The following AGAP1 variants were observed in gnomAD, a reference collection of about 807,000 sequenced individuals.
AGAP1 encodes ArfGAP with GTPase domain, ankyrin repeat and PH domain 1, also known as arf-GAP with GTPase, ANK repeat and PH domain-containing protein 1.
A neutral mutation model predicts 105.3 loss-of-function variants in AGAP1; 29 were observed. The observed-to-expected ratio is 0.28, with a 90% CI of 0.21 to 0.38. The LOEUF (loss-of-function observed/expected upper bound fraction) is 0.38. Ranked by LOEUF, AGAP1 falls within the 10% of genes least tolerant of loss-of-function variation. The pLI, the probability that AGAP1 is intolerant of heterozygous loss-of-function variation, is 1.00. For synonymous variants in AGAP1, 509 were observed against 485.9 expected, an observed-to-expected ratio of 1.05 and a Z score of -0.63; for missense variants, 998 against 1,165.1, an observed-to-expected ratio of 0.86 and a Z score of 2.09.
chr2:236,039,573 A>G (rs367720192), intron 14 of AGAP1, among the ~76,000 whole-genome samples: 1 of 152,250 alleles, frequency 6.6e-6, no homozygotes, highest in Non-Finnish European at 1.5e-5. Context: ...AGCATCGTTT[A>G]TGATAGAGAA....
Position 235,709,176 on chromosome 2 carries a change from C to T in AGAP1, c.164-3C>T, listed in dbSNP as rs754386861. Reference sequence around the variant, plus strand: ...TCTGACTTTGTGTCCTCCTCTTTTTCAGATGCCTTCGTGAACAGCCAGGAA... The same window carrying T: ...TCTGACTTTGTGTCCTCCTCTTTTTTAGATGCCTTCGTGAACAGCCAGGAA... On this transcript the variant is annotated splice_polypyrimidine_tract_variant and splice_region_variant and intron_variant, in intron 1 of 17. Transcript: ENST00000304032. The T allele has an allele frequency of 1.4e-5, 23 of 1,613,954 alleles. No homozygotes were observed. The highest frequency in any genetic ancestry group is 1.9e-5 in the Non-Finnish European group (23 of 1,179,998).
Position 235,848,504 on chromosome 2 carries a change from G to A in AGAP1, c.1051-34841G>A, listed in dbSNP as rs573489440. Among the ~76,000 whole-genome samples, 4 of 152,270 alleles carry A rather than the reference G, an allele frequency of 2.6e-5. No homozygotes were observed. In the East Asian group the frequency reaches 7.7e-4, roughly 29 times the overall value. On this transcript the variant is annotated intron_variant, in intron 9 of 17. Coordinates refer to ENST00000304032, the MANE Select transcript of AGAP1 (RefSeq NM_001037131.3). ...ATAATTATTGTCTCAACAAAGATTT[G>A]GGTTTAGCAAAAACTGGAAATAATT...
chr2:235,955,782 G>A (rs2053921600), intron 12 of AGAP1, among the ~76,000 whole-genome samples: 1 of 152,108 alleles, frequency 6.6e-6, no homozygotes. Flanking sequence ...ATAAGAGCAG[G>A]GATGTACTTC....
rs1248731682 is a variant in AGAP1, at chr2:236,101,213, T to C, written c.2115-18979T>C. ...GTTGGTACTGTTTGTTTTTGGCTGTTGGAACTGTTGTGATCCCCCACCACA... is the reference window on the plus strand; with the variant it reads ...GTTGGTACTGTTTGTTTTTGGCTGTCGGAACTGTTGTGATCCCCCACCACA... On this transcript the variant is annotated intron_variant, in intron 16 of 17. Coordinates refer to ENST00000304032, the MANE Select transcript of AGAP1 (RefSeq NM_001037131.3). The surrounding 1 kb of genome is among the most constrained non-coding windows in gnomAD (Gnocchi z 4.9). 6.6e-6 allele frequency among the ~76,000 whole-genome samples: 1 copy of C among 152,144 alleles called. No homozygotes were observed. Among genetic ancestry groups the C allele is most frequent in the Non-Finnish European group, 1.5e-5 (1 of 68,028 alleles).
At chr2:235,856,634 C>T (rs1055503070) in intron 9 of AGAP1, among the ~76,000 whole-genome samples, 2 of 152,256 alleles carry the variant, frequency 1.3e-5, no homozygotes. Flanking sequence ...GTGACTGGGG[C>T]TCATTGCCTT....
At chr2:235,925,060 G>A (rs2052378710) in intron 11 of AGAP1, among the ~76,000 whole-genome samples, 2 of 152,186 alleles carry the variant, frequency 1.3e-5, no homozygotes, top group Non-Finnish European at 2.9e-5. Context: ...GGGAAGGGAA[G>A]AATGGAGAGT....
At chr2:235,847,130 A>C (rs1353511496) in intron 9 of AGAP1, among the ~76,000 whole-genome samples, 1 of 152,206 alleles carries the variant, frequency 6.6e-6, no homozygotes, top group African/African-American at 2.4e-5. Context: ...ATAGAGGCTT[A>C]AAGGTAGAAC....
chr2:235,532,408 G>C (rs557326008), intron 1 of AGAP1, among the ~76,000 whole-genome samples: 2 of 152,150 alleles, frequency 1.3e-5, no homozygotes, highest in Admixed American at 6.5e-5. Flanking sequence ...TAGAGATGGG[G>C]TTTCACCCAG....
At chr2:235,937,355 A>C (rs535018597) in intron 12 of AGAP1, among the ~76,000 whole-genome samples, 224 of 152,120 alleles carry the variant, frequency 1.5e-3, no homozygotes, top group African/African-American at 5.2e-3. Context: ...AACTGGACAC[A>C]GGGGGTGAAA....
At chr2:235,774,515 T>TCCAAACCTATC in intron 6 of AGAP1, 1 of 344,134 alleles carries the variant, frequency 2.9e-6, no homozygotes, top group Non-Finnish European at 6.0e-6. Flanking sequence ...TTAAGTGTAG[T>TCCAAACCTATC]AGCCTAAAAA....
intron 1 of AGAP1, among the ~76,000 whole-genome samples, chr2:235,558,786 G>A (rs774151179): frequency 5.3e-5 from 8 of 152,154 alleles, no homozygotes; most frequent in Non-Finnish European, 1.0e-4. Context: ...AACACATTGT[G>A]CAAATTGATT....
intron 1 of AGAP1, among the ~76,000 whole-genome samples, chr2:235,502,830 T>C (rs1018503352): frequency 1.3e-5 from 2 of 151,740 alleles, no homozygotes; most frequent in Non-Finnish European, 2.9e-5. Context: ...TTCAACAGGC[T>C]CTAGTAAATA....
chr2:235,664,246 T>C lies in AGAP1; in HGVS notation c.164-44933T>C, dbSNP rs1379455808. ...TTTTTTTCGAGACGGAGTTTCACTATTGTTGCCCAGGCTAGAGTGCAGTGG... is the reference window on the plus strand; with the variant it reads ...TTTTTTTCGAGACGGAGTTTCACTACTGTTGCCCAGGCTAGAGTGCAGTGG... On this transcript the variant is annotated intron_variant, in intron 1 of 17. Transcript: ENST00000304032. The surrounding 1 kb of genome is among the most constrained non-coding windows in gnomAD (Gnocchi z 5.7). 6.6e-6 allele frequency among the ~76,000 whole-genome samples: 1 copy of C among 151,980 alleles called. No individual in the cohort carries two copies. The highest frequency in any genetic ancestry group is 1.5e-5 in the Non-Finnish European group (1 of 67,988).
intron 1 of AGAP1, among the ~76,000 whole-genome samples, chr2:235,593,543 G>A (rs1288305282): frequency 1.3e-5 from 2 of 152,108 alleles, no homozygotes; most frequent in Admixed American, 1.3e-4. Context: ...AACAAATGAT[G>A]CCTGCCAACT....
At position 235,582,897 on chromosome 2, in the gene AGAP1, A is replaced by C. The variant is rs1944980321; in HGVS notation, c.163+88048A>C. ...AAGGATTTTGGTGAGCCTTTGATGG[A>C]GTGTGTTCCGGAATCGGGAGGAAGC... is the stretch of plus-strand genomic sequence containing the variant. On this transcript the variant is annotated intron_variant, in intron 1 of 17. Transcript: ENST00000304032. The surrounding 1 kb of genome is among the most constrained non-coding windows in gnomAD (Gnocchi z 4.7). 6.6e-6 allele frequency among the ~76,000 whole-genome samples: 1 copy of C among 152,182 alleles called. No individual in the cohort carries two copies. Among genetic ancestry groups the C allele is most frequent in the Non-Finnish European group, 1.5e-5 (1 of 68,032 alleles).
chr2:235,707,210 C>T (rs1176420626), intron 1 of AGAP1, among the ~76,000 whole-genome samples: 2 of 152,234 alleles, frequency 1.3e-5, no homozygotes, highest in African/African-American at 4.8e-5. Flanking sequence ...CATCTTCTTC[C>T]TCAGGGCTCT....
chr2:235,684,080 C>A (rs947124634), intron 1 of AGAP1, among the ~76,000 whole-genome samples: 1 of 152,098 alleles, frequency 6.6e-6, no homozygotes, highest in Non-Finnish European at 1.5e-5. Context: ...CTTGCTCTGT[C>A]GCCCAGGCTG....
intron 9 of AGAP1, among the ~76,000 whole-genome samples, chr2:235,818,134 C>T (rs1211888507): frequency 2.0e-5 from 3 of 152,194 alleles, no homozygotes; most frequent in Non-Finnish European, 4.4e-5. Flanking sequence ...ACATTATTAT[C>T]GTGTGAGACT....
rs571571963 is a variant in AGAP1, at chr2:236,111,682, C to T, written c.2115-8510C>T. ...TGGTATACACCTGTATTCCAAGCTA[C>T]TTGGGAGGCTGAGTTGAGAGGACTG... On this transcript the variant is annotated intron_variant, in intron 16 of 17. Transcript: ENST00000304032. Among the ~76,000 whole-genome samples the T allele has an allele frequency of 2.6e-5, 4 of 151,630 alleles. No homozygotes were observed. In the South Asian group the frequency reaches 8.4e-4, roughly 32 times the overall value.
Sources: gnomAD v4.1 joint callset for allele counts (sites outside exome capture counted in the v4.1 genomes callset) on GRCh38, gnomAD v4.1.1 for gene constraint, Gnocchi (gnomAD v3.1) non-coding constraint, MANE v1.5 for transcripts, NCBI Gene and HGNC (gene_info 2026-07-23, HGNC 2026-07-21) for gene names.